DGKH: variants seen among roughly 807,000 people sequenced by gnomAD.
DGKH encodes DAG kinase eta.
A neutral mutation model predicts 159.3 loss-of-function variants in DGKH; 90 were observed. The observed-to-expected ratio is 0.57, with a 90% CI of 0.48 to 0.67. The LOEUF is 0.67. Among genes scored for constraint, DGKH ranks in the 30% least tolerant of loss-of-function variants. DGKH has a pLI of 0.00. For missense variants in DGKH, 1,181 were observed against 1,506.1 expected, an observed-to-expected ratio of 0.78 and a Z score of 3.57; for synonymous variants, 536 against 553.8, an observed-to-expected ratio of 0.97 and a Z score of 0.45.
downstream of DGKH, among the ~76,000 whole-genome samples, chr13:42,243,866 T>A (rs1317724268): frequency 2.0e-5 from 3 of 152,116 alleles, no homozygotes; most frequent in Non-Finnish European, 2.9e-5. Flanking sequence ...CCGTGACTTC[T>A]GTTGGTGGGA....
rs757823895 is a variant in DGKH at position 42,198,569 on chromosome 13, G to A, written c.2259G>A (p.Pro753=). Residue 753 remains proline (P), a synonymous_variant, in exon 18 of 30, where the codon CCG becomes CCA. Coordinates refer to ENST00000337343, the MANE Select transcript of DGKH (RefSeq NM_178009.5). ...LANIDPFGAT[P]FIDPDLDSVD... Reference sequence around the variant, plus strand: ...ACATTGATCCTTTTGGTGCCACGCCGTTTATTGACCCGGATCTAGATTCCG... The same window carrying A: ...ACATTGATCCTTTTGGTGCCACGCCATTTATTGACCCGGATCTAGATTCCG... The A allele has an allele frequency of 1.2e-5, 19 of 1,611,770 alleles. No individual in the cohort carries two copies. Among genetic ancestry groups the A allele is most frequent in the African/African-American group, 4.0e-5 (3 of 74,530 alleles).
chr13:42,206,218 T>C (rs1957470019), intron 21 of DGKH, 72 bp downstream of exon 21: 4 of 961,542 alleles, frequency 4.2e-6, no homozygotes, highest in Non-Finnish European at 5.7e-6. Context: ...CTTTTGTAAA[T>C]GGGCTGTTGA....
chr13:42,069,746 A>T, intron 1 of DGKH: 1 of 1,124,404 alleles, frequency 8.9e-7, no homozygotes. Context: ...TATGATCATG[A>T]CCTCGTTTTG....
intron 1 of DGKH, among the ~76,000 whole-genome samples, chr13:42,096,120 G>A (rs1954527225): frequency 6.6e-6 from 1 of 151,936 alleles, no homozygotes; most frequent in Non-Finnish European, 1.5e-5. Context: ...TTATGTTCAG[G>A]GGGGTCCATG....
At position 42,105,937 on chromosome 13, in the gene DGKH, C is replaced by T. The variant is rs796108195; in HGVS notation, c.193-21526C>T. On this transcript the variant is annotated intron_variant, in intron 1 of 29. Coordinates refer to ENST00000337343, the MANE Select transcript of DGKH (RefSeq NM_178009.5). Reference sequence around the variant, plus strand: ...TAATTAATGAATAGATCTGTGAAAACAATGTATTTCATATGTGAATAATTA... The same window carrying T: ...TAATTAATGAATAGATCTGTGAAAATAATGTATTTCATATGTGAATAATTA... Among the ~76,000 whole-genome samples the T allele has an allele frequency of 5.9e-5, 9 of 151,986 alleles. 1 individual carries two copies. The highest frequency in any genetic ancestry group is 2.2e-4 in the African/African-American group (9 of 41,482).
chr13:42,120,480 T>A (rs764716763), intron 1 of DGKH, among the ~76,000 whole-genome samples: 1 of 152,236 alleles, frequency 6.6e-6, no homozygotes, highest in Non-Finnish European at 1.5e-5. Flanking sequence ...TATTAACTAC[T>A]GCTGAAAATG....
rs74818899 is a variant in DGKH, at chr13:42,220,018, A to G, written c.3442+224A>G. On this transcript the variant is annotated intron_variant, in intron 28 of 29. Transcript: ENST00000337343. ...AAGAATCCTCTCATACCTAAAACACATCTGAGTATCAGTGGGAATCTCTAG... is the reference window on the plus strand; with the variant it reads ...AAGAATCCTCTCATACCTAAAACACGTCTGAGTATCAGTGGGAATCTCTAG... Among the ~76,000 whole-genome samples, 1,372 of 152,284 alleles carry G rather than the reference A, an allele frequency of 9.0e-3. 20 individuals carry two copies. Among genetic ancestry groups the G allele is most frequent in the African/African-American group, 0.031 (1,301 of 41,570 alleles).
chr13:42,052,433 A>AT (rs1881391238), intron 1 of DGKH, among the ~76,000 whole-genome samples: 1 of 152,204 alleles, frequency 6.6e-6, no homozygotes, highest in Non-Finnish European at 1.5e-5. Flanking sequence ...ACACTAAATG[A>AT]TTTTATGCCT....
chr13:42,214,595 A>G lies in DGKH; in HGVS notation c.3103A>G (p.Asn1035Asp). The change falls in exon 25 of 30, where the codon AAC becomes GAC. Residue 1035 changes from asparagine (N) to aspartate (D), a missense_variant. This residue lies in a region of DGKH where 335 missense variants were observed against 495.2 expected (regional missense o/e 0.68). Transcript: ENST00000337343. ...NACSHALNKA[N>D]PRCPESLTRD... ...CTGCTCCCATGCCCTGAATAAAGCC[A>G]ACCCAAGGTGCCCGGAGGTGAGGAT... is the stretch of plus-strand genomic sequence containing the variant. The G allele has an allele frequency of 1.9e-6, 3 of 1,613,614 alleles. No individual in the cohort carries two copies. Among genetic ancestry groups the G allele is most frequent in the Non-Finnish European group, 2.5e-6 (3 of 1,179,708 alleles).
At chr13:42,107,815 G>C (rs1331060779) in intron 1 of DGKH, among the ~76,000 whole-genome samples, 1 of 152,076 alleles carries the variant, frequency 6.6e-6, no homozygotes, top group Non-Finnish European at 1.5e-5. Flanking sequence ...CTCTGAGCTT[G>C]TGCTCCTTGG....
intron 3 of DGKH, 37 bp downstream of exon 3, chr13:42,129,669 T>G: frequency 6.4e-7 from 1 of 1,571,648 alleles, no homozygotes; most frequent in Non-Finnish European, 8.7e-7. Context: ...TCTCAAAAGT[T>G]ATAGAATGAC....
chr13:42,172,127 C>G lies in DGKH; in HGVS notation c.1368-1933C>G, dbSNP rs148992373. Among the ~76,000 whole-genome samples, 534 of 149,476 alleles carry G rather than the reference C, an allele frequency of 3.6e-3. 8 individuals are homozygous for G. In the East Asian group the frequency reaches 0.048, roughly 13 times the overall value. On this transcript the variant is annotated intron_variant, in intron 11 of 29. Transcript: ENST00000337343. ...ATAGGCATGAGCCACCACACCCAGCCTCTTTTTTTTGAGATAGAGTTTCGC... is the reference window on the plus strand; with the variant it reads ...ATAGGCATGAGCCACCACACCCAGCGTCTTTTTTTTGAGATAGAGTTTCGC...
chr13:42,063,623 G>A (rs1882341633), intron 1 of DGKH, among the ~76,000 whole-genome samples: 1 of 152,140 alleles, frequency 6.6e-6, no homozygotes, highest in African/African-American at 2.4e-5. Flanking sequence ...TTTTAAAAAA[G>A]TGAAATGACT....
At chr13:42,155,930 G>T in intron 5 of DGKH, 131 bp downstream of exon 5, 1 of 989,796 alleles carries the variant, frequency 1.0e-6, no homozygotes, top group Non-Finnish European at 1.4e-6. Flanking sequence ...TTTTGCTCAG[G>T]AAAAAAAAAC....
intron 24 of DGKH, among the ~76,000 whole-genome samples, chr13:42,212,322 A>G (rs1957676765): frequency 6.6e-6 from 1 of 152,232 alleles, no homozygotes; most frequent in East Asian, 1.9e-4. Context: ...TTACAACTGC[A>G]AAATACTGGG....
intron 18 of DGKH, among the ~76,000 whole-genome samples, 157 bp downstream of exon 18, chr13:42,198,752 T>C (rs1957272100): frequency 6.6e-6 from 1 of 151,902 alleles, no homozygotes; most frequent in Non-Finnish European, 1.5e-5. Context: ...GCCAAGCACA[T>C]TGAGTCTTTT....
chr13:42,194,856 T>G (rs1957164338), intron 16 of DGKH, 29 bp from the exon 17 acceptor site: 1 of 1,599,122 alleles, frequency 6.3e-7, no homozygotes, highest in Non-Finnish European at 8.5e-7. Flanking sequence ...TATCATTATC[T>G]CTTTTTAATC....
intron 1 of DGKH, among the ~76,000 whole-genome samples, chr13:42,102,991 T>C (rs193279117): frequency 3.5e-4 from 54 of 152,252 alleles, no homozygotes; most frequent in African/African-American, 1.2e-3. Context: ...TGTTGAGAAT[T>C]AAGAAGTAAG....
At position 42,232,738 on chromosome 13, in the gene DGKH, G is replaced by A. The variant is rs1318158260; in HGVS notation, c.*3550G>A. 3 of 152,230 alleles carry A rather than the reference G, an allele frequency of 2.0e-5. No homozygotes were observed. The highest frequency in any genetic ancestry group is 4.4e-5 in the Non-Finnish European group (3 of 68,050). 9.4% of individuals were successfully genotyped at this position (152,230 alleles called of 1,614,324 possible). On this transcript the variant is annotated 3_prime_UTR_variant, in exon 30 of 30. Coordinates refer to ENST00000337343, the MANE Select transcript of DGKH (RefSeq NM_178009.5). ...TTGATGGATTAGGTCATTTGGGATT[G>A]TGATATATATTGTTCTTGCTGACAA...
Sources: allele counts gnomAD v4.1 joint callset (sites outside exome capture counted in the v4.1 genomes callset), GRCh38; gene constraint gnomAD v4.1.1; regional missense constraint gnomAD v4.1.1; transcripts MANE v1.5; gene names NCBI Gene and HGNC (gene_info 2026-07-23, HGNC 2026-07-21).